The following ARMC3 variants were observed in gnomAD, a reference collection of about 807,000 sequenced individuals.
The protein encoded by ARMC3 is armadillo repeat-containing protein 3.
Under a neutral mutation model 90.3 loss-of-function variants are expected in ARMC3, and 74 were observed. The ratio of observed to expected loss-of-function variants is 0.82; its 90% CI spans 0.68 to 0.99. The LOEUF is 0.99. Ranked by LOEUF, ARMC3 falls within the 50% of genes least tolerant of loss-of-function variation. The pLI is 0.00. For missense variants in ARMC3, 958 were observed against 1,042.8 expected (o/e 0.92, Z 1.12); for synonymous variants, 334 against 361.8 (o/e 0.92, Z 0.87).
chr10:23,014,764 C>T (rs6482247), intron 16 of ARMC3, among the ~76,000 whole-genome samples: 80,845 of 151,354 alleles, frequency 0.53, 22,961 homozygotes, highest in Non-Finnish European at 0.62. Context: ...AGCACATGGA[C>T]CCATAGAGGG....
At chr10:22,956,593 A>C (rs968197331) in intron 4 of ARMC3, among the ~76,000 whole-genome samples, 1 of 151,836 alleles carries the variant, frequency 6.6e-6, no homozygotes, top group East Asian at 1.9e-4. Flanking sequence ...ACAGAGTGAG[A>C]CTGTCTCAAA....
chr10:23,016,340 G>T (rs891724561), intron 16 of ARMC3, among the ~76,000 whole-genome samples: 2 of 152,108 alleles, frequency 1.3e-5, no homozygotes, highest in Non-Finnish European at 2.9e-5. Context: ...AAGGAGCAAG[G>T]GATTAAACTT....
At chr10:22,981,735 T>G in intron 10 of ARMC3, 35 bp downstream of exon 10, 1 of 1,547,756 alleles carries the variant, frequency 6.5e-7, no homozygotes, top group South Asian at 1.1e-5. Flanking sequence ...CACTGACTTG[T>G]GGGACAATTC....
chr10:23,009,639 C>T (rs538078635), intron 16 of ARMC3, among the ~76,000 whole-genome samples: 25 of 152,328 alleles, frequency 1.6e-4, no homozygotes, highest in Admixed American at 7.2e-4. Flanking sequence ...GCTAGGATTA[C>T]AGGTGTGCAC....
intron 10 of ARMC3, among the ~76,000 whole-genome samples, chr10:22,984,392 A>C (rs1378034384): frequency 2.0e-5 from 3 of 152,210 alleles, no homozygotes; most frequent in African/African-American, 7.2e-5. Context: ...AATTTTCTAA[A>C]TTAAATAATC....
rs1347627641 is a variant in ARMC3 at position 23,038,084 on chromosome 10, T to C, written c.*605T>C. ...AAAGTATATTTCCATAAAATGGTTT[T>C]GGTTTCATCTTGTCTGTGTTAGCTT... On this transcript the variant is annotated 3_prime_UTR_variant, in exon 19 of 19. Coordinates refer to ENST00000298032, the MANE Select transcript of ARMC3 (RefSeq NM_173081.5). 6.6e-6 allele frequency: 1 copy of C among 152,244 alleles called. No individual in the cohort carries two copies. The highest frequency in any genetic ancestry group is 1.9e-4 in the East Asian group (1 of 5,200). 9.4% of individuals were successfully genotyped at this position (152,244 alleles called of 1,614,324 possible). A position where few individuals can be genotyped will look rare whatever the true frequency, so the allele number is the denominator to read the frequency against.
At chr10:22,992,524 G>C (rs1419507642) in intron 10 of ARMC3, among the ~76,000 whole-genome samples, 1 of 152,066 alleles carries the variant, frequency 6.6e-6, no homozygotes, top group Non-Finnish European at 1.5e-5. Context: ...TTCATTTTAA[G>C]CATAAGCCTA....
intron 2 of ARMC3, among the ~76,000 whole-genome samples, chr10:22,938,978 T>C (rs1284944326): frequency 6.6e-6 from 1 of 152,200 alleles, no homozygotes; most frequent in Non-Finnish European, 1.5e-5. Context: ...AAGTCCTGGG[T>C]GACATGTGAC....
chr10:23,014,623 A>G, intron 16 of ARMC3: 1 of 485,440 alleles, frequency 2.1e-6, no homozygotes. Context: ...TGCAGCCACA[A>G]AAAAGAGTGA....
intron 7 of ARMC3, among the ~76,000 whole-genome samples, chr10:22,964,936 T>C (rs1251161341): frequency 6.6e-6 from 1 of 152,184 alleles, no homozygotes; most frequent in African/African-American, 2.4e-5. Context: ...AATGTATCTC[T>C]ACTTTTCCTA....
In ARMC3 at chr10:22,968,217, C is replaced by T. The variant is rs144772587; in HGVS notation, c.733-89C>T. On this transcript the variant is annotated intron_variant, in intron 7 of 18. Coordinates refer to ENST00000298032, the MANE Select transcript of ARMC3 (RefSeq NM_173081.5). Reference sequence around the variant, plus strand: ...ACAACAAAAATCATGACATTGTGTTCTGACTGACTTTATTTCCTCTTGTAG... The same window carrying T: ...ACAACAAAAATCATGACATTGTGTTTTGACTGACTTTATTTCCTCTTGTAG... 2.9e-5 allele frequency: 36 copies of T among 1,222,218 alleles called. 2 individuals are homozygous for T. In the Middle Eastern group the frequency reaches 8.0e-4, roughly 27 times the overall value. The allele number at this position is 1,222,218 out of a possible 1,614,324, so 75.7% of individuals were successfully genotyped here. A position where few individuals can be genotyped will look rare whatever the true frequency, so the allele number is the denominator to read the frequency against.
rs774401261 is a variant in ARMC3 at position 23,003,246 on chromosome 10, G to C, written c.1563G>C (p.Gly521=). 6.2e-7 allele frequency: 1 copy of C among 1,610,412 alleles called. No individual in the cohort carries two copies. The highest frequency in any genetic ancestry group is 1.1e-5 in the South Asian group (1 of 89,966). ...ELTANELCRL[G]ALDILEEVNV... ...TAATGCTTTTTGCTTTTATTGACAG[G>C]GCTTTAGATATCCTTGAAGAAGTTA... Residue 521 remains glycine, a splice_region_variant and synonymous_variant, in exon 13 of 19, where the codon GGG becomes GGC. Transcript: ENST00000298032.
At chr10:22,957,461 T>C (rs1834992633) in intron 4 of ARMC3, among the ~76,000 whole-genome samples, 1 of 152,130 alleles carries the variant, frequency 6.6e-6, no homozygotes, top group Non-Finnish European at 1.5e-5. Flanking sequence ...GTAGTTGTGC[T>C]GTAAGGCAGG....
chr10:22,949,366 G>T (rs1362818017), intron 3 of ARMC3, among the ~76,000 whole-genome samples: 1 of 152,118 alleles, frequency 6.6e-6, no homozygotes, highest in Admixed American at 6.6e-5. Flanking sequence ...GACATTAAAA[G>T]ATTAATTACA....
At chr10:22,993,745 G>C (rs1836819846) in intron 10 of ARMC3, among the ~76,000 whole-genome samples, 1 of 152,322 alleles carries the variant, frequency 6.6e-6, no homozygotes, top group Non-Finnish European at 1.5e-5. Flanking sequence ...GGAAGGGACA[G>C]GTAAGCAGAG....
chr10:23,032,837 T>C, intron 17 of ARMC3, 24 bp from the exon 18 acceptor site: 6 of 1,599,482 alleles, frequency 3.8e-6, no homozygotes, highest in Non-Finnish European at 5.1e-6. Flanking sequence ...ATTGACCGAT[T>C]TGATCTCAAT....
chr10:23,006,204 C>T (rs537611993), intron 13 of ARMC3, among the ~76,000 whole-genome samples: 3 of 152,190 alleles, frequency 2.0e-5, no homozygotes, highest in Non-Finnish European at 2.9e-5. Context: ...GCAGCTAGAG[C>T]TGGGCTAGCA....
intron 16 of ARMC3, among the ~76,000 whole-genome samples, chr10:23,019,415 T>C (rs924732556): frequency 1.3e-5 from 2 of 152,224 alleles, no homozygotes; most frequent in African/African-American, 4.8e-5. Flanking sequence ...ATTCTATGAA[T>C]TTTAACAAAA....
intron 8 of ARMC3, among the ~76,000 whole-genome samples, chr10:22,978,183 G>C (rs1001642573): frequency 2.0e-5 from 3 of 152,238 alleles, no homozygotes; most frequent in Admixed American, 6.5e-5. Context: ...ATTTCTTGTT[G>C]TATTAGTCTG....
Sources: gnomAD v4.1 joint callset for allele counts (sites outside exome capture counted in the v4.1 genomes callset) on GRCh38, gnomAD v4.1.1 for gene constraint, MANE v1.5 for transcripts, NCBI Gene and HGNC (gene_info 2026-07-23, HGNC 2026-07-21) for gene names.